Variants in DSCAM observed in about 807,000 individuals in gnomAD.
The protein encoded by DSCAM is cell adhesion molecule DSCAM.
A neutral mutation model predicts 217.7 loss-of-function variants in DSCAM; 47 were observed. The observed-to-expected ratio is 0.22, with a 90% CI of 0.17 to 0.28. The LOEUF (loss-of-function observed/expected upper bound fraction) is 0.28. Ranked by LOEUF, DSCAM falls within the 10% of genes least tolerant of loss-of-function variation. The probability of loss-of-function intolerance (pLI) is 1.00; values close to 1 mark genes in which losing one functional copy is unlikely to be tolerated. For synonymous variants in DSCAM, 1,056 were observed against 1,015.3 expected, an observed-to-expected ratio of 1.04 and a Z score of -0.76; for missense variants, 2,080 against 2,618.3, an observed-to-expected ratio of 0.79 and a Z score of 4.49.
At chr21:40,622,467 C>A (rs1380308531) in intron 3 of DSCAM, among the ~76,000 whole-genome samples, 2 of 152,116 alleles carry the variant, frequency 1.3e-5, no homozygotes, top group Non-Finnish European at 2.9e-5. Context: ...CGACACCATT[C>A]CCATGGAAAA....
intron 3 of DSCAM, among the ~76,000 whole-genome samples, chr21:40,374,020 T>C (rs1169953678): frequency 6.6e-6 from 1 of 150,440 alleles, no homozygotes; most frequent in Non-Finnish European, 1.5e-5. Flanking sequence ...TAATAATGTA[T>C]TCTATATTTC....
intron 3 of DSCAM, among the ~76,000 whole-genome samples, chr21:40,397,073 C>T (rs1277119782): frequency 6.6e-6 from 1 of 152,166 alleles, no homozygotes; most frequent in East Asian, 1.9e-4. Flanking sequence ...ACATTGCTTT[C>T]ATCCTATAAA....
chr21:40,035,549 C>T (rs2088603168), intron 32 of DSCAM, among the ~76,000 whole-genome samples: 1 of 133,508 alleles, frequency 7.5e-6, no homozygotes, highest in South Asian at 2.5e-4. Context: ...GACTTAGACT[C>T]CCACACATTA....
chr21:40,614,609 TAA>T (rs1375132525), intron 3 of DSCAM, among the ~76,000 whole-genome samples: 1 of 152,058 alleles, frequency 6.6e-6, no homozygotes, highest in Non-Finnish European at 1.5e-5. Flanking sequence ...AGTCTGGAGG[TAA>T]AATTATATAT....
At chr21:40,507,016 C>T (rs989549367) in intron 3 of DSCAM, among the ~76,000 whole-genome samples, 2 of 152,198 alleles carry the variant, frequency 1.3e-5, no homozygotes, top group Admixed American at 6.5e-5. Context: ...CAGCGGCTCA[C>T]GCCTGTAATC....
rs997675447 is a variant in DSCAM at position 40,046,407 on chromosome 21, G to A, written c.5186-2132C>T. On this transcript the variant is annotated intron_variant, in intron 30 of 32. Coordinates refer to ENST00000400454, the MANE Select transcript of DSCAM (RefSeq NM_001389.5). ...TCATCCCTTACTTGCACAATTCCACGGAAGACTTCATTAGATTTTTTTTGT... is the reference window on the plus strand; with the variant it reads ...TCATCCCTTACTTGCACAATTCCACAGAAGACTTCATTAGATTTTTTTTGT... 5.6e-5 allele frequency among the ~76,000 whole-genome samples: 8 copies of A among 143,902 alleles called. No individual in the cohort carries two copies. The East Asian group carries it at 8.2e-4, about 15-fold the overall frequency. The allele number at this position is 143,902 out of a possible 152,430, so 94.4% of individuals were successfully genotyped here. A position where few individuals can be genotyped will look rare whatever the true frequency, so the allele number is the denominator to read the frequency against.
intron 3 of DSCAM, among the ~76,000 whole-genome samples, chr21:40,596,679 C>T (rs2077023874): frequency 6.6e-6 from 1 of 152,076 alleles, no homozygotes; most frequent in African/African-American, 2.4e-5. Context: ...CTCCTGCACC[C>T]CTGACCATAC....
chr21:40,271,396 G>A (rs1027821354), intron 11 of DSCAM, among the ~76,000 whole-genome samples: 10 of 152,160 alleles, frequency 6.6e-5, no homozygotes, highest in Non-Finnish European at 1.5e-4. Context: ...AGAGCGGCTT[G>A]TTCACTGTGG....
intron 20 of DSCAM, among the ~76,000 whole-genome samples, chr21:40,109,845 T>C (rs1264605718): frequency 1.3e-5 from 2 of 152,138 alleles, no homozygotes; most frequent in African/African-American, 4.8e-5. Flanking sequence ...GAGATCAAAC[T>C]GCAAGGTGGC....
At chr21:40,508,390 A>G (rs553422814) in intron 3 of DSCAM, among the ~76,000 whole-genome samples, 1 of 152,284 alleles carries the variant, frequency 6.6e-6, no homozygotes, top group Admixed American at 6.5e-5. Context: ...AAAGATCTCA[A>G]AAGTCTGTTT....
At chr21:40,288,824 TC>T (rs1269152681) in intron 10 of DSCAM, among the ~76,000 whole-genome samples, 2 of 152,152 alleles carry the variant, frequency 1.3e-5, no homozygotes, top group Non-Finnish European at 2.9e-5. Flanking sequence ...ATCACATTTA[TC>T]CCCTTATTTT....
chr21:40,757,109 C>A lies in DSCAM; in HGVS notation c.44-48338G>T, dbSNP rs1037068554. The stretch of plus-strand genomic sequence containing the variant: ...GCATGATCTCGGCTCACTGCAAGCT[C>A]CACCTCCGGGGTTCACACCATTCTC... On this transcript the variant is annotated intron_variant, in intron 1 of 32. Transcript: ENST00000400454. Among the ~76,000 whole-genome samples the A allele has an allele frequency of 2.6e-5, 4 of 152,046 alleles. No individual in the cohort carries two copies. The South Asian group carries it at 8.3e-4, about 32-fold the overall frequency.
chr21:40,672,250 C>A (rs1312404873), intron 3 of DSCAM, among the ~76,000 whole-genome samples: 1 of 151,532 alleles, frequency 6.6e-6, no homozygotes, highest in Non-Finnish European at 1.5e-5. Flanking sequence ...AACATCAGTC[C>A]GTAGAAGGTG....
chr21:40,113,362 ACCCTTCATG>A (rs1005353145), intron 20 of DSCAM, among the ~76,000 whole-genome samples: 15 of 152,186 alleles, frequency 9.9e-5, no homozygotes, highest in Admixed American at 3.3e-4. Flanking sequence ...AAATTCAACA[ACCCTTCATG>A]CTAAAAACTC....
intron 3 of DSCAM, among the ~76,000 whole-genome samples, chr21:40,611,120 G>T (rs1342363776): frequency 7.0e-6 from 1 of 142,388 alleles, no homozygotes; most frequent in East Asian, 2.1e-4. Context: ...GTACAGTGGC[G>T]CGATCTCGGC....
intron 32 of DSCAM, among the ~76,000 whole-genome samples, chr21:40,039,835 A>C (rs1398228081): frequency 7.2e-5 from 11 of 152,298 alleles, no homozygotes; most frequent in South Asian, 4.1e-4. Flanking sequence ...ATAAAAAGGG[A>C]AAGAGAAAAA....
intron 3 of DSCAM, among the ~76,000 whole-genome samples, chr21:40,559,164 T>C (rs1465906757): frequency 1.9e-5 from 2 of 103,252 alleles, no homozygotes; most frequent in East Asian, 6.4e-4. Flanking sequence ...GAATGAATTC[T>C]CCAGTTAAAG....
intron 3 of DSCAM, among the ~76,000 whole-genome samples, chr21:40,588,890 T>C (rs1463004875): frequency 6.6e-6 from 1 of 152,230 alleles, no homozygotes; most frequent in Non-Finnish European, 1.5e-5. Flanking sequence ...CAACCATTTA[T>C]GTGAAGCAAA....
chr21:40,223,317 C>T (rs1452492151), intron 11 of DSCAM, among the ~76,000 whole-genome samples: 1 of 152,222 alleles, frequency 6.6e-6, no homozygotes, highest in African/African-American at 2.4e-5. Flanking sequence ...GCCTGAGAGC[C>T]CCCATTCAAG....
Sources: allele counts gnomAD v4.1 joint callset (sites outside exome capture counted in the v4.1 genomes callset), GRCh38; gene constraint gnomAD v4.1.1; transcripts MANE v1.5; gene names NCBI Gene and HGNC (gene_info 2026-07-23, HGNC 2026-07-21).